Variants in AEBP2 observed in about 807,000 individuals in gnomAD.
AEBP2 encodes the protein AE binding protein 2.
Under a neutral mutation model 50.8 loss-of-function variants are expected in AEBP2, and 10 were observed. The ratio of observed to expected loss-of-function variants is 0.20; its 90% confidence interval spans 0.12 to 0.33. The LOEUF (loss-of-function observed/expected upper bound fraction) is 0.33, where lower values mean the gene tolerates loss of function less well. Among genes scored for constraint, AEBP2 ranks in the 10% least tolerant of loss-of-function variants. The probability of loss-of-function intolerance (pLI) is 1.00; values close to 1 mark genes in which losing one functional copy is unlikely to be tolerated. For missense variants in AEBP2, 570 were observed against 688.0 expected (o/e 0.83, Z 1.92); for synonymous variants, 296 against 261.3 (o/e 1.13, Z -1.28).
intron 1 of AEBP2, among the ~76,000 whole-genome samples, chr12:19,430,457 A>G (rs1358816684): frequency 2.0e-5 from 3 of 152,152 alleles, no homozygotes; most frequent in Non-Finnish European, 4.4e-5. Context: ...TCGGCAATGC[A>G]GGCTCTTTTT....
chr12:19,446,306 A>T (rs1463969741), intron 1 of AEBP2, among the ~76,000 whole-genome samples: 1 of 152,190 alleles, frequency 6.6e-6, no homozygotes, highest in Admixed American at 6.6e-5. Context: ...AAATTGCGAC[A>T]TGGTGCATTC....
chr12:19,518,206 A>T lies in AEBP2; in HGVS notation c.*89A>T, dbSNP rs191642793. ...GGGTTTAGGGAAAGTTGCACATTAG[A>T]GTCAACCCCTTCTTTTTTTTTTTTT... On this transcript the variant is annotated 3_prime_UTR_variant, in exon 8 of 8. Coordinates refer to ENST00000266508, the MANE Select transcript of AEBP2 (RefSeq NM_153207.5). The T allele has an allele frequency of 3.6e-6, 5 of 1,376,104 alleles. No individual in the cohort carries two copies. The highest frequency in any genetic ancestry group is 2.0e-4 in the Middle Eastern group (1 of 5,106). The allele number at this position is 1,376,104 out of a possible 1,614,324, so 85.2% of individuals were successfully genotyped here.
chr12:19,442,130 G>C (rs560837700), intron 1 of AEBP2, among the ~76,000 whole-genome samples: 1 of 152,266 alleles, frequency 6.6e-6, no homozygotes, highest in East Asian at 1.9e-4. Flanking sequence ...AGTTGAGGCC[G>C]GGCGCGGTGG....
upstream of AEBP2, among the ~76,000 whole-genome samples, chr12:19,439,358 G>A (rs1223295057): frequency 6.8e-6 from 1 of 146,416 alleles, no homozygotes; most frequent in Non-Finnish European, 1.5e-5. Flanking sequence ...CCGAGGAAAC[G>A]CTGAGCACTT....
rs545657778 is a variant in AEBP2 at position 19,418,611 on chromosome 12, T to C, written c.-17+14395T>C. Among the ~76,000 whole-genome samples, 20 of 152,046 alleles carry C rather than the reference T, an allele frequency of 1.3e-4. No individual in the cohort carries two copies. The South Asian group carries it at 4.2e-3, about 32-fold the overall frequency. On this transcript the variant is annotated intron_variant, in intron 1 of 3. Transcript: ENST00000538425. ...TCTACCCAATATGAGTCTGTAAGAA[T>C]CCCCCCACTTTGAGTTGTCCTGCCT... is the stretch of plus-strand genomic sequence containing the variant.
At position 19,467,514 on chromosome 12, in the gene AEBP2, G is replaced by A. The variant is rs979160727; in HGVS notation, c.879+4797G>A. 4.0e-5 allele frequency among the ~76,000 whole-genome samples: 6 copies of A among 151,848 alleles called. No homozygotes were observed. In the South Asian group the frequency reaches 6.2e-4, roughly 16 times the overall value. On this transcript the variant is annotated intron_variant, in intron 2 of 7. Transcript: ENST00000266508. ...TCACCATGTTGGCCCGCCTAGTCTC[G>A]AACACCTGACCTCAGGTGATCCACC... is the stretch of plus-strand genomic sequence containing the variant.
chr12:19,464,131 G>A (rs1012846035), intron 2 of AEBP2, among the ~76,000 whole-genome samples: 2 of 152,266 alleles, frequency 1.3e-5, no homozygotes, highest in African/African-American at 4.8e-5. Context: ...ACTTACCTAT[G>A]ATCTGTTAAC....
chr12:19,453,905 TC>T (rs1250951713), intron 1 of AEBP2, among the ~76,000 whole-genome samples: 6 of 141,038 alleles, frequency 4.3e-5, no homozygotes, highest in African/African-American at 8.1e-5. Context: ...CAAGTGATTC[TC>T]CCCCCCTCGG....
chr12:19,418,411 T>TTTTC (rs57450584), intron 1 of AEBP2, among the ~76,000 whole-genome samples: 2 of 149,392 alleles, frequency 1.3e-5, no homozygotes, highest in Non-Finnish European at 3.0e-5. Flanking sequence ...TTTTTTTTTT[T>TTTTC]GTGGATATGA....
At chr12:19,456,017 C>G (rs753408499) in intron 1 of AEBP2, among the ~76,000 whole-genome samples, 1 of 151,566 alleles carries the variant, frequency 6.6e-6, no homozygotes. Flanking sequence ...CAAGTTGTTT[C>G]CATTAAAAAG....
Position 19,493,928 on chromosome 12 carries a change from T to G in AEBP2, c.1116T>G (p.Pro372=). 6.2e-7 allele frequency: 1 copy of G among 1,613,274 alleles called. No homozygotes were observed. Among genetic ancestry groups the G allele is most frequent in the Non-Finnish European group, 8.5e-7 (1 of 1,179,572 alleles). The change falls in exon 4 of 8, where the codon CCT becomes CCG. Residue 372 remains proline, a synonymous_variant. Coordinates refer to ENST00000266508, the MANE Select transcript of AEBP2 (RefSeq NM_153207.5). The part of the protein sequence containing the change: ...SSQPKAKEES[P]SKAGMNKRRK... The stretch of plus-strand genomic sequence containing the variant: ...AGCCAAAGGCCAAAGAAGAATCTCC[T>G]TCTAAAGCTGGAATGAACAAAAGGA...
At chr12:19,476,632 A>G (rs1948652817) in intron 3 of AEBP2, among the ~76,000 whole-genome samples, 1 of 152,114 alleles carries the variant, frequency 6.6e-6, no homozygotes, top group African/African-American at 2.4e-5. Flanking sequence ...GTGAGTCACC[A>G]ATATTTGGCT....
chr12:19,458,739 A>C (rs1335796756), intron 1 of AEBP2, among the ~76,000 whole-genome samples: 1 of 152,230 alleles, frequency 6.6e-6, no homozygotes, highest in Non-Finnish European at 1.5e-5. Context: ...CAGTTAAAAA[A>C]AATCGATTTG....
intron 1 of AEBP2, chr12:19,446,090 G>C (rs950149637): frequency 3.5e-5 from 4 of 114,720 alleles, no homozygotes; most frequent in Admixed American, 8.3e-5. Context: ...TTTGGAATAA[G>C]TTTTCTAGTA....
At chr12:19,494,118 CAGTG>C in intron 4 of AEBP2, 132 bp downstream of exon 4, 1 of 968,804 alleles carries the variant, frequency 1.0e-6, no homozygotes, top group South Asian at 1.8e-5. Context: ...GCCTGTCTGT[CAGTG>C]AGAGTGAGAA....
chr12:19,484,042 C>G (rs76416658), intron 3 of AEBP2, among the ~76,000 whole-genome samples: 40 of 152,124 alleles, frequency 2.6e-4, no homozygotes, highest in African/African-American at 9.2e-4. Flanking sequence ...TGGATTTTTG[C>G]TAATCTCATA....
At chr12:19,511,898 CTG>C (rs1482632146) in intron 5 of AEBP2, among the ~76,000 whole-genome samples, 2 of 151,902 alleles carry the variant, frequency 1.3e-5, no homozygotes, top group African/African-American at 4.8e-5. Context: ...AGAAATATTC[CTG>C]TGTCATGGAG....
chr12:19,448,838 C>T (rs1250814717), intron 1 of AEBP2, among the ~76,000 whole-genome samples: 7 of 151,980 alleles, frequency 4.6e-5, no homozygotes, highest in Non-Finnish European at 1.0e-4. Flanking sequence ...CACTACCATG[C>T]CCAGCTGCTT....
At chr12:19,454,090 C>T (rs959110877) in intron 1 of AEBP2, among the ~76,000 whole-genome samples, 1 of 152,056 alleles carries the variant, frequency 6.6e-6, no homozygotes, top group African/African-American at 2.4e-5. Context: ...CGGGGTCTCG[C>T]CATGTTGCCA....
Sources: allele counts gnomAD v4.1 joint callset (sites outside exome capture counted in the v4.1 genomes callset), GRCh38; gene constraint gnomAD v4.1.1; transcripts MANE v1.5; gene names NCBI Gene and HGNC (gene_info 2026-07-23, HGNC 2026-07-21).